BMP7: variants seen among roughly 807,000 people sequenced by gnomAD.
BMP7 encodes the protein osteogenic protein 1.
In BMP7, 12 loss-of-function variants were observed where a neutral mutation model predicts 41.2. The observed-to-expected ratio is 0.29, with a 90% CI of 0.19 to 0.47. The LOEUF (loss-of-function observed/expected upper bound fraction) is 0.47, where lower values mean the gene tolerates loss of function less well. BMP7 is among the 20% of genes least tolerant of loss of function. The pLI, the probability that BMP7 is intolerant of heterozygous loss-of-function variation, is 0.99. For synonymous variants in BMP7, 248 were observed against 250.0 expected (o/e 0.99, Z 0.07); for missense variants, 467 against 606.0 (o/e 0.77, Z 2.41).
At chr20:57,226,038 A>G in intron 2 of BMP7, 1 of 445,576 alleles carries the variant, frequency 2.2e-6, no homozygotes, top group Non-Finnish European at 4.7e-6. Context: ...GGGCACCCCC[A>G]GCCCAAGTTG....
rs139042533 is a variant in BMP7 at position 57,224,487 on chromosome 20, C to T, written c.611+3742G>A. ...AGCCTGACACATGCTCAAGGAGAGA[C>T]GGGGAAGACTGGGATGGAAGATGCC... On this transcript the variant is annotated intron_variant, in intron 2 of 6. Transcript: ENST00000395863. This position sits in a 1 kb window ranked among gnomAD's most constrained non-coding sequence, Gnocchi z 4.8. 980 of 152,432 alleles carry T rather than the reference C, an allele frequency of 6.4e-3. 6 individuals are homozygous for T. Among genetic ancestry groups the T allele is most frequent in the East Asian group, 0.021 (106 of 5,150 alleles). The allele number at this position is 152,432 out of a possible 1,614,324, so 9.4% of individuals were successfully genotyped here.
chr20:57,229,803 G>C (rs1031233882), intron 1 of BMP7, among the ~76,000 whole-genome samples: 1 of 152,232 alleles, frequency 6.6e-6, no homozygotes, highest in African/African-American at 2.4e-5. Flanking sequence ...TTCCAAGTGG[G>C]ACAGCAGGAC....
chr20:57,171,146 C>A lies in BMP7; in HGVS notation c.1147-38G>T. 1 of 1,613,734 alleles carries A rather than the reference C, an allele frequency of 6.2e-7. No individual in the cohort carries two copies. The highest frequency in any genetic ancestry group is 8.5e-7 in the Non-Finnish European group (1 of 1,179,794). On this transcript the variant is annotated intron_variant, in intron 6 of 6. Transcript: ENST00000395863. The surrounding 1 kb of genome is among the most constrained non-coding windows in gnomAD (Gnocchi z 4.5). ...CCAAAACATGGGCAGTGGTGAGAAGCGGTGAGTCGTTCTAACTGGCCTCCA... is the reference window on the plus strand; with the variant it reads ...CCAAAACATGGGCAGTGGTGAGAAGAGGTGAGTCGTTCTAACTGGCCTCCA...
intron 1 of BMP7, among the ~76,000 whole-genome samples, chr20:57,260,031 T>C (rs1335168403): frequency 2.0e-5 from 3 of 152,162 alleles, no homozygotes; most frequent in Non-Finnish European, 4.4e-5. Context: ...CGGTCGTACA[T>C]GGGATCATTT....
chr20:57,239,624 A>G (rs1460827023), intron 1 of BMP7, among the ~76,000 whole-genome samples: 3 of 152,228 alleles, frequency 2.0e-5, no homozygotes. Flanking sequence ...CCACTGCCCT[A>G]GCGGAGGTTC....
At chr20:57,246,716 C>T (rs565344526) in intron 1 of BMP7, among the ~76,000 whole-genome samples, 30 of 152,190 alleles carry the variant, frequency 2.0e-4, no homozygotes, top group Non-Finnish European at 2.2e-4. Context: ...AGGCTGGGTG[C>T]GGTGGCTCAT....
At chr20:57,181,496 T>A (rs1984078018) in intron 4 of BMP7, among the ~76,000 whole-genome samples, 1 of 139,590 alleles carries the variant, frequency 7.2e-6, no homozygotes, top group African/African-American at 2.6e-5. Flanking sequence ...ACCCTGTCTC[T>A]AAAAAAAAAA....
chr20:57,241,389 G>A (rs920711211), intron 1 of BMP7, among the ~76,000 whole-genome samples: 2 of 152,202 alleles, frequency 1.3e-5, no homozygotes, highest in Non-Finnish European at 1.5e-5. Flanking sequence ...CAGTCCTTGA[G>A]GGAGGGAGGC....
At chr20:57,249,883 T>C (rs2066105287) in intron 1 of BMP7, among the ~76,000 whole-genome samples, 1 of 152,048 alleles carries the variant, frequency 6.6e-6, no homozygotes, top group Non-Finnish European at 1.5e-5. Flanking sequence ...CCTGCCATGA[T>C]CTCACTCAAT....
chr20:57,248,790 T>TTTGTA (rs2066100031), intron 1 of BMP7, among the ~76,000 whole-genome samples: 1 of 104,192 alleles, frequency 9.6e-6, no homozygotes, highest in Non-Finnish European at 2.3e-5. Flanking sequence ...TTGTTTTTGT[T>TTTGTA]TTGTTTTGTT....
intron 2 of BMP7, among the ~76,000 whole-genome samples, chr20:57,217,708 G>T (rs553856958): frequency 1.3e-5 from 2 of 152,176 alleles, no homozygotes; most frequent in African/African-American, 2.4e-5. Flanking sequence ...CAGGGAATGT[G>T]GCCACTGAAG....
chr20:57,183,391 C>T (rs1229559439), intron 4 of BMP7, among the ~76,000 whole-genome samples: 1 of 50 alleles, frequency 0.02, no homozygotes, highest in African/African-American at 0.083. Context: ...TGGGGTAAGC[C>T]CCCCCAGGGG....
intron 2 of BMP7, among the ~76,000 whole-genome samples, chr20:57,206,114 A>C (rs947512928): frequency 2.0e-5 from 3 of 152,206 alleles, no homozygotes; most frequent in African/African-American, 7.2e-5. Context: ...TCGTAAAAGA[A>C]CACTGGTTCT....
At chr20:57,264,454 C>T (rs2066166029) in intron 1 of BMP7, among the ~76,000 whole-genome samples, 1 of 152,200 alleles carries the variant, frequency 6.6e-6, no homozygotes, top group African/African-American at 2.4e-5. Context: ...ATCATCAGTC[C>T]CGCAGCGCGC....
At chr20:57,230,496 C>T (rs1004060901) in intron 1 of BMP7, among the ~76,000 whole-genome samples, 9 of 151,670 alleles carry the variant, frequency 5.9e-5, no homozygotes, top group South Asian at 2.1e-4. Context: ...AGTACAATCC[C>T]GCATAGGTAG....
chr20:57,188,628 T>A (rs1248257900), intron 3 of BMP7, among the ~76,000 whole-genome samples: 2 of 151,984 alleles, frequency 1.3e-5, no homozygotes, highest in Non-Finnish European at 2.9e-5. Context: ...TCACATTTTT[T>A]AAAAAACTAA....
Position 57,243,501 on chromosome 20 carries a change from T to G in BMP7, c.419-15080A>C, listed in dbSNP as rs970858969. Among the ~76,000 whole-genome samples, 4 of 152,078 alleles carry G rather than the reference T, an allele frequency of 2.6e-5. No homozygotes were observed. In the East Asian group the frequency reaches 7.7e-4, roughly 29 times the overall value. ...AAAAAAAAATAATTAAAAAAATTAATGAAATGGCGTTCCCAGTGTGAGAAA... is the reference window on the plus strand; with the variant it reads ...AAAAAAAAATAATTAAAAAAATTAAGGAAATGGCGTTCCCAGTGTGAGAAA... On this transcript the variant is annotated intron_variant, in intron 1 of 6. Transcript: ENST00000395863.
Position 57,170,634 on chromosome 20 carries a change from T to C in BMP7, c.*325A>G. On this transcript the variant is annotated 3_prime_UTR_variant, in exon 7 of 7. Transcript: ENST00000395863. ...GGGTGGCCTGGCTGGTAGGCGCTCATAATTACCTCTGGAAACGAGTCCGTG... is the reference window on the plus strand; with the variant it reads ...GGGTGGCCTGGCTGGTAGGCGCTCACAATTACCTCTGGAAACGAGTCCGTG... 2.7e-6 allele frequency: 1 copy of C among 364,098 alleles called. No individual in the cohort carries two copies. The highest frequency in any genetic ancestry group is 6.9e-5 in the East Asian group (1 of 14,464). 22.6% of individuals were successfully genotyped at this position (364,098 alleles called of 1,614,324 possible). A position where few individuals can be genotyped will look rare whatever the true frequency, so the allele number is the denominator to read the frequency against.
intron 1 of BMP7, 68 bp downstream of exon 1, chr20:57,265,637 G>A: frequency 6.5e-7 from 1 of 1,546,850 alleles, no homozygotes; most frequent in Non-Finnish European, 8.7e-7. Context: ...TAGAAGAAGC[G>A]GCTCCCTCCC....
Sources: allele counts gnomAD v4.1 joint callset (sites outside exome capture counted in the v4.1 genomes callset), GRCh38; gene constraint gnomAD v4.1.1; non-coding constraint Gnocchi (gnomAD v3.1); transcripts MANE v1.5; gene names NCBI Gene and HGNC (gene_info 2026-07-23, HGNC 2026-07-21).